The following COP1 variants were observed in gnomAD, a reference collection of about 807,000 sequenced individuals.
The protein encoded by COP1 is E3 ubiquitin-protein ligase COP1.
COP1 carries 24 observed loss-of-function variants against 101.3 expected under a neutral mutation model. The observed-to-expected ratio is 0.24, with a 90% CI of 0.17 to 0.33. The LOEUF (loss-of-function observed/expected upper bound fraction) is 0.33, where lower values mean the gene tolerates loss of function less well. Ranked by LOEUF, COP1 falls within the 10% of genes least tolerant of loss-of-function variation. The probability of loss-of-function intolerance (pLI) is 1.00; values close to 1 mark genes in which losing one functional copy is unlikely to be tolerated. For synonymous variants in COP1, 347 were observed against 341.9 expected (o/e 1.01, Z -0.17); for missense variants, 663 against 906.2 (o/e 0.73, Z 3.45).
chr1:175,968,933 T>C (rs1180355569), intron 18 of COP1, among the ~76,000 whole-genome samples: 1 of 152,184 alleles, frequency 6.6e-6, no homozygotes, highest in African/African-American at 2.4e-5. Flanking sequence ...TGAGTAAAGC[T>C]TGAGAAAAAT....
chr1:175,998,388 C>T (rs1660802151), intron 15 of COP1, among the ~76,000 whole-genome samples: 1 of 150,014 alleles, frequency 6.7e-6, no homozygotes, highest in Admixed American at 6.7e-5. Context: ...ATGCAGCACA[C>T]CAGCATGGCA....
chr1:175,949,198 ATG>A (rs1649571271), intron 18 of COP1, among the ~76,000 whole-genome samples: 1 of 141,346 alleles, frequency 7.1e-6, no homozygotes, highest in African/African-American at 2.6e-5. Context: ...AAAAATGAAC[ATG>A]GGTAATACAA....
chr1:176,011,652 C>T (rs1187711560), intron 15 of COP1, among the ~76,000 whole-genome samples: 1 of 152,070 alleles, frequency 6.6e-6, no homozygotes, highest in East Asian at 1.9e-4. Flanking sequence ...TGTTTTATGG[C>T]TAGAGAGAAT....
At chr1:176,093,344 C>T (rs1289234120) in intron 9 of COP1, among the ~76,000 whole-genome samples, 2 of 152,012 alleles carry the variant, frequency 1.3e-5, no homozygotes, top group Non-Finnish European at 2.9e-5. Context: ...AAATATATTC[C>T]TTTGTAGGTA....
intron 5 of COP1, among the ~76,000 whole-genome samples, chr1:176,157,232 C>G (rs1693610340): frequency 6.6e-6 from 1 of 151,894 alleles, no homozygotes; most frequent in South Asian, 2.1e-4. Context: ...TAATATTAAC[C>G]CACACTACAT....
intron 6 of COP1, among the ~76,000 whole-genome samples, chr1:176,145,974 G>GT (rs1691532338): frequency 6.6e-6 from 1 of 152,086 alleles, no homozygotes; most frequent in Non-Finnish European, 1.5e-5. Context: ...TCACTCTACT[G>GT]TAATTCTTTA....
At position 175,958,550 on chromosome 1, in the gene COP1, TCTC is replaced by T. The variant is rs563769644; in HGVS notation, c.2134-11314_2134-11312del. On this transcript the variant is annotated intron_variant, in intron 18 of 19. Coordinates refer to ENST00000367669, the MANE Select transcript of COP1 (RefSeq NM_022457.7). ...ATGATAAGCATTTCCACCCTACATT[TCTC>T]CTCCTTTTATTAACCAGAAGATAAC... Among the ~76,000 whole-genome samples the T allele has an allele frequency of 1.4e-3, 220 of 152,014 alleles. 1 individual carries two copies. Among genetic ancestry groups the T allele is most frequent in the Non-Finnish European group, 2.6e-3 (179 of 67,852 alleles).
chr1:175,993,491 T>A (rs1361170942), intron 15 of COP1, among the ~76,000 whole-genome samples: 1 of 152,014 alleles, frequency 6.6e-6, no homozygotes, highest in African/African-American at 2.4e-5. Context: ...AGTTGAAAAC[T>A]TTGAAAAAAA....
intron 14 of COP1, among the ~76,000 whole-genome samples, chr1:176,033,204 G>A (rs1571816307): frequency 6.6e-6 from 1 of 152,126 alleles, no homozygotes; most frequent in Non-Finnish European, 1.5e-5. Flanking sequence ...TTAAGATCAG[G>A]AGTTGGAGAC....
chr1:176,056,241 C>A (rs1372590373), intron 11 of COP1, among the ~76,000 whole-genome samples: 1 of 152,066 alleles, frequency 6.6e-6, no homozygotes, highest in Non-Finnish European at 1.5e-5. Context: ...GTTCCATGGA[C>A]AATTTAAAAG....
rs558180556 is a variant in COP1, at chr1:176,010,079, A to AACC, written c.1729+17490_1729+17492dup. Among the ~76,000 whole-genome samples, 28 of 152,234 alleles carry AACC rather than the reference A, an allele frequency of 1.8e-4. 1 individual carries two copies. The South Asian group carries it at 5.6e-3, about 30-fold the overall frequency. On this transcript the variant is annotated intron_variant, in intron 15 of 19. Transcript: ENST00000367669. ...AAGCTGAAAGAACAGCACAATGAAT[A>AACC]ACCTTGTACCACTTGTTCTAGACTC... is the stretch of plus-strand genomic sequence containing the variant.
At chr1:176,057,460 G>C (rs866359407) in intron 11 of COP1, among the ~76,000 whole-genome samples, 1 of 151,716 alleles carries the variant, frequency 6.6e-6, no homozygotes, top group Non-Finnish European at 1.5e-5. Flanking sequence ...TCAGCCTGCC[G>C]AGTGCCTGCG....
chr1:176,180,159 T>C (rs529054614), intron 2 of COP1, among the ~76,000 whole-genome samples: 3 of 152,300 alleles, frequency 2.0e-5, no homozygotes, highest in South Asian at 2.1e-4. Context: ...GGTCATTAAA[T>C]GCAAGGATTT....
intron 6 of COP1, among the ~76,000 whole-genome samples, chr1:176,140,635 C>T (rs542791345): frequency 2.0e-5 from 3 of 152,048 alleles, no homozygotes; most frequent in Non-Finnish European, 2.9e-5. Flanking sequence ...AACATAACCC[C>T]GGGAAGGAGA....
chr1:176,148,913 T>C (rs1691987309), intron 6 of COP1, 93 bp downstream of exon 6: 2 of 790,890 alleles, frequency 2.5e-6, no homozygotes, highest in South Asian at 4.1e-5. Context: ...TAAAAATATT[T>C]AAAGAAATTT....
At chr1:176,044,844 T>C (rs1318533059) in intron 12 of COP1, among the ~76,000 whole-genome samples, 1 of 152,196 alleles carries the variant, frequency 6.6e-6, no homozygotes, top group Non-Finnish European at 1.5e-5. Context: ...TTGCACATTT[T>C]TACACATACA....
chr1:176,072,517 C>A (rs567601875), intron 11 of COP1, among the ~76,000 whole-genome samples: 39 of 152,152 alleles, frequency 2.6e-4, no homozygotes, highest in Admixed American at 4.6e-4. Context: ...CTCAACCAAC[C>A]CCAGATGGTC....
At chr1:176,080,516 AAGCT>A (rs1678923817) in intron 11 of COP1, among the ~76,000 whole-genome samples, 1 of 152,170 alleles carries the variant, frequency 6.6e-6, no homozygotes, top group Non-Finnish European at 1.5e-5. Flanking sequence ...ATAATCTTCT[AAGCT>A]AGACTCTTCA....
In COP1 at chr1:176,206,754, C is replaced by G; in HGVS notation, c.225G>C (p.Ser75=). Residue 75 remains serine (S), a synonymous_variant, in exon 1 of 20, where the codon TCG becomes TCC. Coordinates refer to ENST00000367669, the MANE Select transcript of COP1 (RefSeq NM_022457.7). ...VRPVLVAPAV[S]GSGGGAVSTG... ...TGGACACCGCCCCGCCGCCGCTACC[C>G]GATACGGCGGGCGCCACCAACACAG... 1 of 1,526,042 alleles carries G rather than the reference C, an allele frequency of 6.6e-7. No individual in the cohort carries two copies. The highest frequency in any genetic ancestry group is 1.2e-5 in the South Asian group (1 of 84,444). The allele number at this position is 1,526,042 out of a possible 1,614,324, so 94.5% of individuals were successfully genotyped here. A position where few individuals can be genotyped will look rare whatever the true frequency, so the allele number is the denominator to read the frequency against.
Sources: gnomAD v4.1 joint callset for allele counts (sites outside exome capture counted in the v4.1 genomes callset) on GRCh38, gnomAD v4.1.1 for gene constraint, MANE v1.5 for transcripts, NCBI Gene and HGNC (gene_info 2026-07-23, HGNC 2026-07-21) for gene names.